The following PCDHGA11 variants were observed in gnomAD, a reference collection of about 807,000 sequenced individuals.
The protein encoded by PCDHGA11 is protocadherin gamma-A11.
PCDHGA11 carries 39 observed loss-of-function variants against 60.4 expected under a neutral mutation model. The ratio of observed to expected loss-of-function variants is 0.65; its 90% CI spans 0.50 to 0.84. The LOEUF (loss-of-function observed/expected upper bound fraction) is 0.84. Among genes scored for constraint, PCDHGA11 ranks in the 40% least tolerant of loss-of-function variants. PCDHGA11 has a pLI of 0.00. For synonymous variants in PCDHGA11, 533 were observed against 510.3 expected (o/e 1.04, Z -0.60); for missense variants, 1,165 against 1,197.7 (o/e 0.97, Z 0.40).
chr5:141,423,494 A>C lies in PCDHGA11; in HGVS notation c.2267A>C (p.His756Pro), dbSNP rs753859784. ...GVQAFLQTYSHEVSLIADSQK... is the reference protein window; with the variant it reads ...GVQAFLQTYSPEVSLIADSQK... ...CAGGCTTTCCTGCAAACCTATTCCCACGAGGTCTCTCTCATTGCGGACTCG... is the reference window on the plus strand; with the variant it reads ...CAGGCTTTCCTGCAAACCTATTCCCCCGAGGTCTCTCTCATTGCGGACTCG... Residue 756 changes from histidine (H) to proline (P), a missense_variant, in exon 1 of 4, where the codon CAC becomes CCC. Transcript: ENST00000398587. The C allele has an allele frequency of 3.8e-5, 61 of 1,613,842 alleles. No individual in the cohort carries two copies. The highest frequency in any genetic ancestry group is 5.9e-6 in the Non-Finnish European group (7 of 1,179,940).
intron 1 of PCDHGA11, among the ~76,000 whole-genome samples, chr5:141,456,668 T>G (rs2098874996): frequency 1.3e-5 from 2 of 152,254 alleles, no homozygotes; most frequent in Admixed American, 6.5e-5. Context: ...ATGTTTCATT[T>G]AAAAATGCAT....
intron 1 of PCDHGA11, among the ~76,000 whole-genome samples, chr5:141,452,947 G>C (rs2098752833): frequency 6.6e-6 from 1 of 152,144 alleles, no homozygotes; most frequent in Non-Finnish European, 1.5e-5. Flanking sequence ...GCTTGCAATT[G>C]GTTGTCTTTA....
Position 141,476,263 on chromosome 5 carries a change from C to G in PCDHGA11, c.2434-18544C>G. 13 of 1,613,940 alleles carry G rather than the reference C, an allele frequency of 8.1e-6. No individual in the cohort carries two copies. Among genetic ancestry groups the G allele is most frequent in the Non-Finnish European group, 1.1e-5 (13 of 1,180,010 alleles). On this transcript the variant is annotated intron_variant, in intron 1 of 3. Transcript: ENST00000398587. This position sits in a 1 kb window ranked among gnomAD's most constrained non-coding sequence, Gnocchi z 7.6. ...GAGAGAAGGGTTTCGCTGTGGGCAA[C>G]GTGGTCGCGAACCTTGGTTTGGATC...
intron 1 of PCDHGA11, among the ~76,000 whole-genome samples, chr5:141,484,535 A>G (rs2099597486): frequency 6.6e-6 from 1 of 152,178 alleles, no homozygotes. Flanking sequence ...AGTATATGGC[A>G]GTGGTTCTAA....
At chr5:141,501,881 C>T (rs1396427606) in intron 2 of PCDHGA11, among the ~76,000 whole-genome samples, 1 of 152,124 alleles carries the variant, frequency 6.6e-6, no homozygotes, top group East Asian at 1.9e-4. Context: ...CCTTACACTC[C>T]TGATCATCAT....
In PCDHGA11 at chr5:141,489,120, G is replaced by C; in HGVS notation, c.2434-5687G>C. The C allele has an allele frequency of 1.1e-5, 5 of 445,662 alleles. No homozygotes were observed. Among genetic ancestry groups the C allele is most frequent in the East Asian group, 3.8e-5 (1 of 26,010 alleles). The allele number at this position is 445,662 out of a possible 1,614,324, so 27.6% of individuals were successfully genotyped here. ...AACTGCTGCAAGCAGGCAAACCTCC[G>C]AGCAGTTTTTAAGAGGCTGGAAGGA... On this transcript the variant is annotated intron_variant, in intron 1 of 3. Transcript: ENST00000398587. This position sits in a 1 kb window ranked among gnomAD's most constrained non-coding sequence, Gnocchi z 4.5.
intron 1 of PCDHGA11, among the ~76,000 whole-genome samples, chr5:141,472,980 C>CAAAAAAAAAAAAAAAAA (rs60579131): frequency 5.8e-5 from 5 of 86,060 alleles, no homozygotes; most frequent in African/African-American, 3.9e-5. Context: ...GAGTGAAACT[C>CAAAAAAAAAAAAAAAAA]AAAAAAAAAA....
rs370286425 is a variant in PCDHGA11, at chr5:141,431,234, G to A, written c.2433+7574G>A. On this transcript the variant is annotated intron_variant, in intron 1 of 3. Coordinates refer to ENST00000398587, the MANE Select transcript of PCDHGA11 (RefSeq NM_018914.3). This position sits in a 1 kb window ranked among gnomAD's most constrained non-coding sequence, Gnocchi z 4.8. ...GCGGTTCCCTCTACCCCACGCCTGGGATCCGGATATCGGGAAGAACTCTCT... is the reference window on the plus strand; with the variant it reads ...GCGGTTCCCTCTACCCCACGCCTGGAATCCGGATATCGGGAAGAACTCTCT... 13 of 1,614,052 alleles carry A rather than the reference G, an allele frequency of 8.1e-6. No individual in the cohort carries two copies. The highest frequency in any genetic ancestry group is 2.7e-5 in the African/African-American group (2 of 74,940).
In PCDHGA11 at chr5:141,421,912, A is replaced by G. The variant is rs1207036091; in HGVS notation, c.685A>G (p.Ile229Val). 2 of 1,613,696 alleles carry G rather than the reference A, an allele frequency of 1.2e-6. No homozygotes were observed. Among genetic ancestry groups the G allele is most frequent in the Admixed American group, 1.7e-5 (1 of 60,006 alleles). The change falls in exon 1 of 4, where the codon ATT (isoleucine) becomes GTT (valine). Residue 229 changes from isoleucine (I) to valine (V), a missense_variant. Transcript: ENST00000398587. The stretch of plus-strand genomic sequence containing the variant: ...TCCCATCCGAAAGGGCGCAGTTCCC[A>G]TTCGTGTGGTGGTCCTCGATGTAAA... ...GDPIRKGAVP[I>V]RVVVLDVNDH...
Position 141,491,445 on chromosome 5 carries a change from C to G in PCDHGA11, c.2434-3362C>G. ...GAGGGCAGTGCTGCAGGCGCCAGGACTCACCCTCCCCGGACTTCTATAAGC... is the reference window on the plus strand; with the variant it reads ...GAGGGCAGTGCTGCAGGCGCCAGGAGTCACCCTCCCCGGACTTCTATAAGC... On this transcript the variant is annotated intron_variant, in intron 1 of 3. Coordinates refer to ENST00000398587, the MANE Select transcript of PCDHGA11 (RefSeq NM_018914.3). This position sits in a 1 kb window ranked among gnomAD's most constrained non-coding sequence, Gnocchi z 6.9. 6.2e-7 allele frequency: 1 copy of G among 1,614,112 alleles called. No individual in the cohort carries two copies. Among genetic ancestry groups the G allele is most frequent in the Non-Finnish European group, 8.5e-7 (1 of 1,180,032 alleles).
chr5:141,501,017 C>T (rs1383853662), intron 2 of PCDHGA11, among the ~76,000 whole-genome samples: 5 of 151,866 alleles, frequency 3.3e-5, no homozygotes, highest in African/African-American at 7.3e-5. Flanking sequence ...TACAGGCACG[C>T]GCCACCACGC....
intron 1 of PCDHGA11, among the ~76,000 whole-genome samples, chr5:141,455,423 CA>C (rs2098822271): frequency 6.6e-6 from 1 of 152,040 alleles, no homozygotes; most frequent in Non-Finnish European, 1.5e-5. Flanking sequence ...AGCGGGGCTC[CA>C]AAAGAGGAGG....
In PCDHGA11 at chr5:141,422,936, C is replaced by T; in HGVS notation, c.1709C>T (p.Thr570Ile). The part of the protein sequence containing the change: ...APEILYPALP[T>I]DGSTGVELAP... ...GAGATCCTGTACCCTGCCCTCCCCA[C>T]AGACGGCTCCACTGGCGTGGAGCTG... Residue 570 changes from threonine (T) to isoleucine (I), a missense_variant, in exon 1 of 4, where the codon ACA becomes ATA. By Grantham distance (89) the Thr-to-Ile change is moderately conservative. Coordinates refer to ENST00000398587, the MANE Select transcript of PCDHGA11 (RefSeq NM_018914.3). The T allele has an allele frequency of 6.2e-7, 1 of 1,614,260 alleles. No individual in the cohort carries two copies. Among genetic ancestry groups the T allele is most frequent in the Non-Finnish European group, 8.5e-7 (1 of 1,180,050 alleles).
intron 1 of PCDHGA11, chr5:141,478,831 G>C: frequency 7.0e-7 from 1 of 1,435,672 alleles, no homozygotes; most frequent in Non-Finnish European, 9.1e-7. Flanking sequence ...ATCTTGCTAA[G>C]GGATGGTTAA....
In PCDHGA11 at chr5:141,511,555, C is replaced by T; in HGVS notation, c.*382C>T. 1 of 305,302 alleles carries T rather than the reference C, an allele frequency of 3.3e-6. No individual in the cohort carries two copies. Among genetic ancestry groups the T allele is most frequent in the South Asian group, 3.6e-5 (1 of 28,078 alleles). 18.9% of individuals were successfully genotyped at this position (305,302 alleles called of 1,614,324 possible). ...CCTCCCCACCCCACTCCAACAGTTC[C>T]TCTTTCCCGAGTAAGGTGGTTGGGG... On this transcript the variant is annotated 3_prime_UTR_variant, in exon 4 of 4. Coordinates refer to ENST00000398587, the MANE Select transcript of PCDHGA11 (RefSeq NM_018914.3).
intron 2 of PCDHGA11, among the ~76,000 whole-genome samples, chr5:141,495,175 C>A (rs1337353259): frequency 6.6e-6 from 1 of 152,300 alleles, no homozygotes; most frequent in Middle Eastern, 3.4e-3. Flanking sequence ...TGGGTGAAAG[C>A]GAGGCTTTCT....
intron 1 of PCDHGA11, among the ~76,000 whole-genome samples, chr5:141,465,839 G>A (rs1166392052): frequency 6.6e-6 from 1 of 151,400 alleles, no homozygotes; most frequent in Non-Finnish European, 1.5e-5. Context: ...AATTTCAACT[G>A]AGGCTGGGCC....
chr5:141,441,627 G>C (rs1239011684), intron 1 of PCDHGA11: 1 of 223,512 alleles, frequency 4.5e-6, no homozygotes, highest in Non-Finnish European at 9.0e-6. Context: ...CAGTGACCTG[G>C]AGCCACAGGC....
At chr5:141,501,298 C>CAG (rs2099807427) in intron 2 of PCDHGA11, among the ~76,000 whole-genome samples, 1 of 148,330 alleles carries the variant, frequency 6.7e-6, no homozygotes, top group Non-Finnish European at 1.5e-5. Context: ...TATACACACA[C>CAG]ACACACACAC....
Sources: allele counts gnomAD v4.1 joint callset (sites outside exome capture counted in the v4.1 genomes callset), GRCh38; gene constraint gnomAD v4.1.1; non-coding constraint Gnocchi (gnomAD v3.1); transcripts MANE v1.5; gene names NCBI Gene and HGNC (gene_info 2026-07-23, HGNC 2026-07-21).